The following CSMD2 variants were observed in gnomAD, a reference collection of about 807,000 sequenced individuals.
The protein encoded by CSMD2 is CUB and Sushi multiple domains 2.
CSMD2 carries 130 observed loss-of-function variants against 398.5 expected under a neutral mutation model. The observed-to-expected ratio is 0.33, with a 90% CI of 0.28 to 0.38. The LOEUF (loss-of-function observed/expected upper bound fraction) is 0.38, where lower values mean the gene tolerates loss of function less well. CSMD2 is among the 10% of genes least tolerant of loss of function. CSMD2 has a pLI of 1.00. For missense variants in CSMD2, 3,829 were observed against 4,764.9 expected, an observed-to-expected ratio of 0.80 and a Z score of 5.78; for synonymous variants, 1,828 against 1,908.5, an observed-to-expected ratio of 0.96 and a Z score of 1.10.
intron 3 of CSMD2, among the ~76,000 whole-genome samples, chr1:33,937,481 G>A (rs1401629799): frequency 1.3e-5 from 2 of 152,170 alleles, no homozygotes; most frequent in African/African-American, 4.8e-5. Flanking sequence ...GGCAGGCCTG[G>A]ACTCTAAATG....
At chr1:34,031,765 CA>C (rs556094322) in intron 3 of CSMD2, among the ~76,000 whole-genome samples, 15,539 of 71,446 alleles carry the variant, frequency 0.22, 271 homozygotes, top group African/African-American at 0.27. Flanking sequence ...AAGGCAAAGG[CA>C]AAAAAAAAAA....
intron 10 of CSMD2, among the ~76,000 whole-genome samples, chr1:33,810,326 T>C (rs1017795422): frequency 5.3e-5 from 8 of 152,232 alleles, no homozygotes; most frequent in Non-Finnish European, 7.3e-5. Context: ...ATTACATTTA[T>C]ATGAAGTTCA....
intron 31 of CSMD2, among the ~76,000 whole-genome samples, chr1:33,634,515 A>G (rs1207844066): frequency 6.6e-6 from 1 of 152,102 alleles, no homozygotes; most frequent in African/African-American, 2.4e-5. Flanking sequence ...TAGTCCTCCT[A>G]CAAAGAGGAG....
chr1:34,161,690 A>G (rs1641342000), intron 1 of CSMD2, among the ~76,000 whole-genome samples: 1 of 152,122 alleles, frequency 6.6e-6, no homozygotes, highest in African/African-American at 2.4e-5. Flanking sequence ...CATCCTGGAG[A>G]CAGAGGTTGA....
chr1:33,517,165 C>T (rs1251380012), intron 70 of CSMD2, among the ~76,000 whole-genome samples: 1 of 152,068 alleles, frequency 6.6e-6, no homozygotes, highest in East Asian at 1.9e-4. Context: ...AAAAAATTAC[C>T]ATCTAGTCAC....
rs1642713779 is a variant in CSMD2, at chr1:33,635,051, C to G, written c.5086+163G>C. 6.6e-6 allele frequency among the ~76,000 whole-genome samples: 1 copy of G among 152,156 alleles called. No individual in the cohort carries two copies. Among genetic ancestry groups the G allele is most frequent in the Non-Finnish European group, 1.5e-5 (1 of 68,028 alleles). ...CTTGTGTCCGGAATGTATTCTGCAG[C>G]CCGTTTGAGAAACGTCAGCACTCGG... On this transcript the variant is annotated intron_variant, in intron 31 of 70. Transcript: ENST00000373381. The surrounding 1 kb of genome is among the most constrained non-coding windows in gnomAD (Gnocchi z 5.0).
intron 1 of CSMD2, among the ~76,000 whole-genome samples, chr1:34,137,923 C>G (rs1164106242): frequency 6.6e-6 from 1 of 152,152 alleles, no homozygotes; most frequent in Admixed American, 6.5e-5. Flanking sequence ...GAATTCAAAC[C>G]CCAGTCTGAC....
intron 2 of CSMD2, among the ~76,000 whole-genome samples, chr1:34,082,538 G>C (rs1456157633): frequency 1.3e-5 from 2 of 152,158 alleles, no homozygotes; most frequent in Admixed American, 1.3e-4. Context: ...GGGTGGGGGG[G>C]CCCCTCTGCC....
intron 19 of CSMD2, among the ~76,000 whole-genome samples, chr1:33,719,260 T>G (rs1451158308): frequency 6.6e-6 from 1 of 152,216 alleles, no homozygotes; most frequent in Non-Finnish European, 1.5e-5. Flanking sequence ...CTTTCCCTCC[T>G]ACCTAGGACA....
chr1:33,768,205 A>C (rs1206587806), intron 13 of CSMD2, among the ~76,000 whole-genome samples: 1 of 152,170 alleles, frequency 6.6e-6, no homozygotes, highest in Non-Finnish European at 1.5e-5. Flanking sequence ...ACAAATCCAT[A>C]GGATTCTTCA....
At chr1:33,931,928 C>T (rs537290851) in intron 4 of CSMD2, among the ~76,000 whole-genome samples, 1 of 152,270 alleles carries the variant, frequency 6.6e-6, no homozygotes, top group South Asian at 2.1e-4. Context: ...AGAGGGTCAA[C>T]CTTCAGTGAG....
rs753503294 is a variant in CSMD2, at chr1:33,533,885, C to T, written c.9902G>A (p.Arg3301His). 2.7e-5 allele frequency: 44 copies of T among 1,613,608 alleles called. No homozygotes were observed. The Admixed American group carries it at 3.2e-4, about 12-fold the overall frequency. The stretch of plus-strand genomic sequence containing the variant: ...CTGAAGCAGGTAGCCTTTTTGACAA[C>T]GGAAGAGGACTGTGCTTCCAACCTG... ...GYQVGSTVLF[R>H]CQKGYLLQGS... Residue 3301 changes from arginine to histidine, a missense_variant, in exon 63 of 71, where the codon CGT (arginine) becomes CAT (histidine). Arg to His is a conservative substitution (Grantham distance 29, BLOSUM62 0). This residue lies in a region of CSMD2 where 917 missense variants were observed against 1,199.5 expected (regional missense o/e 0.76). Transcript: ENST00000373381. This position sits in a 1 kb window ranked among gnomAD's most constrained non-coding sequence, Gnocchi z 4.2.
At chr1:33,997,302 C>T (rs909429726) in intron 3 of CSMD2, among the ~76,000 whole-genome samples, 36 of 152,208 alleles carry the variant, frequency 2.4e-4, no homozygotes, top group Non-Finnish European at 1.8e-4. Flanking sequence ...GGTCATGACT[C>T]GGTGTCCAAA....
chr1:33,954,249 G>A (rs778316291), intron 3 of CSMD2, among the ~76,000 whole-genome samples: 72 of 152,094 alleles, frequency 4.7e-4, no homozygotes, highest in Non-Finnish European at 3.4e-4. Flanking sequence ...GCCCTAGGTC[G>A]TAAACCTTGT....
chr1:33,934,129 T>C lies in CSMD2; in HGVS notation c.712+1631A>G, dbSNP rs568498085. On this transcript the variant is annotated intron_variant, in intron 4 of 70. Transcript: ENST00000373381. ...AGGAGTTGCTTATCCCTGGAGCTAG[T>C]CTTTTACAGTAATTACAGAAAATCT... Among the ~76,000 whole-genome samples the C allele has an allele frequency of 3.7e-4, 56 of 152,320 alleles. No homozygotes were observed. In the Middle Eastern group the frequency reaches 0.017, roughly 46 times the overall value.
intron 15 of CSMD2, among the ~76,000 whole-genome samples, chr1:33,738,794 A>G (rs536763300): frequency 1.3e-5 from 2 of 152,324 alleles, no homozygotes; most frequent in East Asian, 3.9e-4. Flanking sequence ...AGCGCTGCCA[A>G]TGCTACTTTG....
intron 24 of CSMD2, among the ~76,000 whole-genome samples, chr1:33,697,510 G>A (rs538676482): frequency 6.6e-6 from 1 of 152,198 alleles, no homozygotes; most frequent in Non-Finnish European, 1.5e-5. Context: ...TAAAGATCCT[G>A]TGAAAATGTA....
At chr1:33,864,566 G>A in intron 5 of CSMD2, 1 of 1,614,054 alleles carries the variant, frequency 6.2e-7, no homozygotes, top group African/African-American at 1.3e-5. Context: ...AGGTGGCCAA[G>A]GCCACAGGGA....
intron 48 of CSMD2, among the ~76,000 whole-genome samples, chr1:33,580,481 C>T (rs1638614944): frequency 6.6e-6 from 1 of 152,178 alleles, no homozygotes; most frequent in African/African-American, 2.4e-5. Flanking sequence ...CATTTCCTAA[C>T]TTTCCTAAAG....
Sources: allele counts gnomAD v4.1 joint callset (sites outside exome capture counted in the v4.1 genomes callset), GRCh38; gene constraint gnomAD v4.1.1; regional missense constraint gnomAD v4.1.1; non-coding constraint Gnocchi (gnomAD v3.1); transcripts MANE v1.5; gene names NCBI Gene and HGNC (gene_info 2026-07-23, HGNC 2026-07-21).